The following PRDM6 variants were observed in gnomAD, a reference collection of about 807,000 sequenced individuals.
The protein encoded by PRDM6 is putative histone-lysine N-methyltransferase PRDM6.
In PRDM6, 25 loss-of-function variants were observed where a neutral mutation model predicts 60.8. That is an observed-to-expected ratio of 0.41 (90% confidence interval 0.30 to 0.57). The LOEUF (loss-of-function observed/expected upper bound fraction) is 0.57, where lower values mean the gene tolerates loss of function less well. PRDM6 is among the 20% of genes least tolerant of loss of function. The pLI is 0.27. For missense variants in PRDM6, 839 were observed against 821.3 expected (o/e 1.02, Z -0.26); for synonymous variants, 407 against 357.4 (o/e 1.14, Z -1.57).
At chr5:123,112,936 C>G (rs1764349419) in intron 3 of PRDM6, among the ~76,000 whole-genome samples, 1 of 152,000 alleles carries the variant, frequency 6.6e-6, no homozygotes, top group Admixed American at 6.5e-5. Flanking sequence ...ACATCTCAAT[C>G]TAATGTTTAG....
chr5:123,172,852 A>G (rs2126885434), intron 6 of PRDM6, among the ~76,000 whole-genome samples: 1 of 152,346 alleles, frequency 6.6e-6, no homozygotes, highest in Admixed American at 6.5e-5. Context: ...TGGTAGGTAG[A>G]TACTGAAACA....
At chr5:123,151,809 T>A (rs1765375126) in intron 3 of PRDM6, among the ~76,000 whole-genome samples, 1 of 152,148 alleles carries the variant, frequency 6.6e-6, no homozygotes, top group Non-Finnish European at 1.5e-5. Flanking sequence ...TCCTGGGAAC[T>A]GTCTCAGAGA....
chr5:123,164,035 T>C (rs939331691), intron 5 of PRDM6, among the ~76,000 whole-genome samples: 5 of 152,132 alleles, frequency 3.3e-5, no homozygotes, highest in Admixed American at 2.0e-4. Context: ...AAGCCCTTAG[T>C]GGTGACCTTT....
At chr5:123,181,230 C>G (rs1406879627) in intron 7 of PRDM6, among the ~76,000 whole-genome samples, 1 of 152,222 alleles carries the variant, frequency 6.6e-6, no homozygotes, top group Admixed American at 6.5e-5. Context: ...CTCCTTTTCT[C>G]CATCTTTGAA....
intron 3 of PRDM6, among the ~76,000 whole-genome samples, chr5:123,127,482 G>A (rs1001562568): frequency 9.2e-5 from 14 of 152,206 alleles, no homozygotes; most frequent in African/African-American, 3.1e-4. Flanking sequence ...GTGTAGCATC[G>A]TTGAGAGAAG....
intron 6 of PRDM6, among the ~76,000 whole-genome samples, chr5:123,177,245 A>C (rs1766035898): frequency 6.6e-6 from 1 of 152,216 alleles, no homozygotes; most frequent in Non-Finnish European, 1.5e-5. Flanking sequence ...TATTTTAAGG[A>C]AATATTGAAA....
In PRDM6 at chr5:123,180,273, C is replaced by A. The variant is rs903308399; in HGVS notation, c.1623C>A (p.Ala541=). The A allele has an allele frequency of 6.4e-7, 1 of 1,551,636 alleles. No individual in the cohort carries two copies. Among genetic ancestry groups the A allele is most frequent in the South Asian group, 1.2e-5 (1 of 84,062 alleles). ...CGYCGRAFAG[A]TTLNNHIRTH... ...ACTGTGGTCGTGCCTTTGCCGGGGC[C>A]ACCACCCTCAACAACCACATCCGAA... Residue 541 remains alanine, a synonymous_variant, in exon 7 of 8, where the codon GCC becomes GCA. Transcript: ENST00000407847.
At chr5:123,159,757 T>C in intron 5 of PRDM6, 119 bp downstream of exon 5, 1 of 946,208 alleles carries the variant, frequency 1.1e-6, no homozygotes, top group Non-Finnish European at 1.6e-6. Flanking sequence ...AACACAAACA[T>C]ATACAAGTCT....
At chr5:123,172,825 G>A (rs912160462) in intron 6 of PRDM6, among the ~76,000 whole-genome samples, 2 of 152,272 alleles carry the variant, frequency 1.3e-5, no homozygotes, top group East Asian at 3.9e-4. Context: ...GCCATATAAA[G>A]CAATGAAACT....
In PRDM6 at chr5:123,108,581, T is replaced by C. The variant is rs147038591; in HGVS notation, c.900+8620T>C. Among the ~76,000 whole-genome samples the C allele has an allele frequency of 4.3e-3, 660 of 152,270 alleles. 18 individuals are homozygous for C. Among genetic ancestry groups the C allele is most frequent in the Admixed American group, 0.037 (564 of 15,304 alleles). On this transcript the variant is annotated intron_variant, in intron 3 of 7. Transcript: ENST00000407847. ...ATAAGAGTCCTGAAAAATATTGGGCTACTAAGGAAAGCACTTAATTTCAAT... is the reference window on the plus strand; with the variant it reads ...ATAAGAGTCCTGAAAAATATTGGGCCACTAAGGAAAGCACTTAATTTCAAT...
chr5:123,125,574 T>C (rs1764676092), intron 3 of PRDM6, among the ~76,000 whole-genome samples: 1 of 152,106 alleles, frequency 6.6e-6, no homozygotes. Flanking sequence ...CCAATCTTAC[T>C]CCTCCTATGT....
At chr5:123,095,549 C>G (rs1384119137) in intron 2 of PRDM6, among the ~76,000 whole-genome samples, 2 of 152,254 alleles carry the variant, frequency 1.3e-5, no homozygotes, top group Non-Finnish European at 2.9e-5. Context: ...GCGGCACTCC[C>G]GGGTCCTAGT....
chr5:123,142,936 A>AT (rs1765146681), intron 3 of PRDM6, among the ~76,000 whole-genome samples: 1 of 151,374 alleles, frequency 6.6e-6, no homozygotes, highest in South Asian at 2.1e-4. Context: ...ACAAAAAAAA[A>AT]CTCAGGATTT....
chr5:123,128,221 G>A (rs1441531898), intron 3 of PRDM6, among the ~76,000 whole-genome samples: 2 of 152,158 alleles, frequency 1.3e-5, no homozygotes, highest in Non-Finnish European at 2.9e-5. Flanking sequence ...TAGTGCCACA[G>A]TAAACATACG....
chr5:123,175,118 T>C (rs1264603152), intron 6 of PRDM6, among the ~76,000 whole-genome samples: 1 of 152,098 alleles, frequency 6.6e-6, no homozygotes, highest in Non-Finnish European at 1.5e-5. Flanking sequence ...GGGGGCAGTA[T>C]GGTGGTGGGG....
At chr5:123,154,253 C>G (rs1765442665) in intron 3 of PRDM6, among the ~76,000 whole-genome samples, 1 of 152,108 alleles carries the variant, frequency 6.6e-6, no homozygotes, top group Non-Finnish European at 1.5e-5. Flanking sequence ...GCAGATGTAG[C>G]CACCCCATGC....
At chr5:123,164,854 C>T (rs1211868290) in intron 5 of PRDM6, among the ~76,000 whole-genome samples, 1 of 152,116 alleles carries the variant, frequency 6.6e-6, no homozygotes, top group Non-Finnish European at 1.5e-5. Context: ...CTTTAGCCCA[C>T]TTGAACCACC....
In PRDM6 at chr5:123,174,638, T is replaced by C. The variant is rs146537098; in HGVS notation, c.1496+3530T>C. ...GACTTTGTGTCTGTATTCATGAGCT[T>C]TTTCATGTGAGATACCATCAAAAGT... On this transcript the variant is annotated intron_variant, in intron 6 of 7. Coordinates refer to ENST00000407847, the MANE Select transcript of PRDM6 (RefSeq NM_001136239.4). 7.7e-4 allele frequency among the ~76,000 whole-genome samples: 117 copies of C among 152,290 alleles called. 1 individual carries two copies. The East Asian group carries it at 0.017, about 22-fold the overall frequency.
intron 3 of PRDM6, among the ~76,000 whole-genome samples, chr5:123,109,364 A>G (rs1764258641): frequency 1.3e-5 from 2 of 152,296 alleles, no homozygotes; most frequent in South Asian, 4.1e-4. Context: ...GAAAATATTG[A>G]TGACTTTTGT....
Sources: allele counts gnomAD v4.1 joint callset (sites outside exome capture counted in the v4.1 genomes callset), GRCh38; gene constraint gnomAD v4.1.1; transcripts MANE v1.5; gene names NCBI Gene and HGNC (gene_info 2026-07-23, HGNC 2026-07-21).